The following SEC16B variants were observed in gnomAD, a reference collection of about 807,000 sequenced individuals.
SEC16B encodes the protein SEC16 homolog B, endoplasmic reticulum export factor, also known as protein transport protein Sec16B.
Under a neutral mutation model 141.8 loss-of-function variants are expected in SEC16B, and 115 were observed. The ratio of observed to expected loss-of-function variants is 0.81; its 90% CI spans 0.70 to 0.95. SEC16B has a LOEUF of 0.95. Among genes scored for constraint, SEC16B ranks in the 40% least tolerant of loss-of-function variants. The pLI is 0.00. For synonymous variants in SEC16B, 493 were observed against 492.5 expected (o/e 1.00, Z -0.01); for missense variants, 1,291 against 1,312.3 (o/e 0.98, Z 0.25).
In SEC16B at chr1:177,939,758, A is replaced by G. The variant is rs145634709; in HGVS notation, c.2147T>C (p.Ile716Thr). The change falls in exon 18 of 26, where the codon ATT becomes ACT. Residue 716 changes from isoleucine (I) to threonine (T), a missense_variant. Coordinates refer to ENST00000308284, the MANE Select transcript of SEC16B (RefSeq NM_033127.4). ...TGAGCGAGTAGGATGAGGATCCCCAATGTCTCCTGCTACCTTTTGCTATTT... is the reference window on the plus strand; with the variant it reads ...TGAGCGAGTAGGATGAGGATCCCCAGTGTCTCCTGCTACCTTTTGCTATTT... ...RQLEQKVAGD[I>T]GDPHPTRSDI... 364 of 1,591,432 alleles carry G rather than the reference A, an allele frequency of 2.3e-4. 2 individuals are homozygous for G. The East Asian group carries it at 6.4e-3, about 28-fold the overall frequency.
intron 14 of SEC16B, among the ~76,000 whole-genome samples, chr1:177,945,155 C>T (rs1458867453): frequency 2.0e-5 from 3 of 152,194 alleles, no homozygotes; most frequent in Non-Finnish European, 2.9e-5. Flanking sequence ...CAGGTGAGGA[C>T]TGCTGAGCCA....
intron 3 of SEC16B, 23 bp downstream of exon 3, chr1:177,965,870 G>C (rs1341053002): frequency 2.1e-6 from 3 of 1,457,432 alleles, no homozygotes; most frequent in Middle Eastern, 1.7e-4. Context: ...AATCCCAGAG[G>C]CTTCTTGGAG....
intron 1 of SEC16B, among the ~76,000 whole-genome samples, chr1:177,977,680 T>G (rs1160419477): frequency 1.3e-5 from 2 of 152,124 alleles, no homozygotes; most frequent in East Asian, 3.9e-4. Context: ...AGCAATCTGC[T>G]CCTCTCTGGG....
intron 13 of SEC16B, 95 bp from the exon 14 acceptor site, chr1:177,946,626 CG>C (rs1160122219): frequency 5.4e-6 from 5 of 922,192 alleles, no homozygotes; most frequent in African/African-American, 1.7e-5. Context: ...AGAGTGGCCT[CG>C]GGGGTCAGAG....
intron 1 of SEC16B, among the ~76,000 whole-genome samples, chr1:177,969,623 A>G (rs1329601109): frequency 6.6e-6 from 1 of 152,188 alleles, no homozygotes; most frequent in Non-Finnish European, 1.5e-5. Flanking sequence ...GCAACACCCA[A>G]TCTTTCCACT....
chr1:177,931,359 G>C (rs1650401240), intron 24 of SEC16B, among the ~76,000 whole-genome samples: 1 of 152,086 alleles, frequency 6.6e-6, no homozygotes, highest in Non-Finnish European at 1.5e-5. Flanking sequence ...CTTATAAGTG[G>C]GGAGCTATGA....
Position 177,960,932 on chromosome 1 carries a change from G to A in SEC16B, c.795C>T (p.Ser265=). Reference sequence around the variant, plus strand: ...TCATGGGTGCTTTGGGACCAGCTGAGGAGACATCTTCTGACCAACAGACAC... The same window carrying A: ...TCATGGGTGCTTTGGGACCAGCTGAAGAGACATCTTCTGACCAACAGACAC... The part of the protein sequence containing the change: ...AAWSPVQADV[S]SAGPKAPMKF... The change falls in exon 7 of 26, where the codon TCC becomes TCT. Residue 265 remains serine, a synonymous_variant. Transcript: ENST00000308284. 4 of 1,613,920 alleles carry A rather than the reference G, an allele frequency of 2.5e-6. No homozygotes were observed. Among genetic ancestry groups the A allele is most frequent in the Non-Finnish European group, 3.4e-6 (4 of 1,179,826 alleles).
intron 10 of SEC16B, among the ~76,000 whole-genome samples, chr1:177,955,051 C>A (rs549395662): frequency 6.6e-6 from 1 of 152,030 alleles, no homozygotes; most frequent in Non-Finnish European, 1.5e-5. Context: ...GCCCTAAAAA[C>A]AAAAAGAGCT....
chr1:177,931,625 A>G (rs1650420752), intron 24 of SEC16B, among the ~76,000 whole-genome samples: 1 of 152,182 alleles, frequency 6.6e-6, no homozygotes, highest in Admixed American at 6.5e-5. Context: ...TCTTAATAGA[A>G]CTCAGGGAAT....
chr1:177,961,030 CA>C, intron 6 of SEC16B, 91 bp from the exon 7 acceptor site: 1 of 1,409,866 alleles, frequency 7.1e-7, no homozygotes, highest in Non-Finnish European at 9.7e-7. Flanking sequence ...TATTTCTGCC[CA>C]AATTCTGCCT....
intron 5 of SEC16B, among the ~76,000 whole-genome samples, chr1:177,962,683 C>A (rs1213342163): frequency 6.6e-6 from 1 of 151,820 alleles, no homozygotes; most frequent in African/African-American, 2.4e-5. Context: ...GAGTTCAAGG[C>A]TGCAGTGAGC....
At chr1:177,974,092 A>G (rs1458543406), upstream of SEC16B, among the ~76,000 whole-genome samples, 1 of 151,900 alleles carries the variant, frequency 6.6e-6, no homozygotes, top group East Asian at 1.9e-4. Context: ...AGGATGATCC[A>G]AGTTTTCAGG....
At chr1:177,977,193 C>T (rs573297995) in intron 1 of SEC16B, among the ~76,000 whole-genome samples, 4 of 152,082 alleles carry the variant, frequency 2.6e-5, no homozygotes, top group South Asian at 2.1e-4. Flanking sequence ...ACACACATAC[C>T]CTGTACCCCC....
chr1:177,970,830 A>G (rs1213144748), upstream of SEC16B, among the ~76,000 whole-genome samples: 2 of 152,222 alleles, frequency 1.3e-5, no homozygotes, highest in African/African-American at 4.8e-5. Context: ...AAAAAATCCC[A>G]AATGGTTTAT....
At chr1:177,961,504 A>C in intron 6 of SEC16B, 86 bp downstream of exon 6, 2 of 1,429,754 alleles carry the variant, frequency 1.4e-6, no homozygotes, top group Non-Finnish European at 1.9e-6. Flanking sequence ...ACAATGATCC[A>C]TCGTAAGGCT....
rs1491561749 is a variant in SEC16B at position 177,949,429 on chromosome 1, C to CACACACACACACACAA, written c.1546-1488_1546-1487insTTGTGTGTGTGTGTGT. ...ACACACACACACACACACACACACA[C>CACACACACACACACAA]AAAGAAAAACTTAGAGGTCATTATT... On this transcript the variant is annotated intron_variant, in intron 12 of 25. Coordinates refer to ENST00000308284, the MANE Select transcript of SEC16B (RefSeq NM_033127.4). 1.4e-5 allele frequency among the ~76,000 whole-genome samples: 2 copies of CACACACACACACACAA among 139,144 alleles called. 1 individual carries two copies. Among genetic ancestry groups the CACACACACACACACAA allele is most frequent in the African/African-American group, 5.4e-5 (2 of 37,192 alleles). The allele number at this position is 139,144 out of a possible 152,430, so 91.3% of individuals were successfully genotyped here.
Position 177,930,534 on chromosome 1 carries a change from G to A in SEC16B, c.3111+11C>T, listed in dbSNP as rs751576856. The A allele has an allele frequency of 6.2e-7, 1 of 1,605,670 alleles. No individual in the cohort carries two copies. The highest frequency in any genetic ancestry group is 8.5e-7 in the Non-Finnish European group (1 of 1,173,238). ...CTCCTGGCCAGCCCCTCCCCCTGAG[G>A]GCTTCCTTACCTGAGGCACCTGAGA... On this transcript the variant is annotated intron_variant, in intron 25 of 25. Coordinates refer to ENST00000308284, the MANE Select transcript of SEC16B (RefSeq NM_033127.4).
rs114392952 is a variant in SEC16B, at chr1:177,954,934, A to G, written c.1366-558T>C. ...AACAAGAAATTAAATATTTAAATGT[A>G]AAAATGAATCACAAAAGTACTTCAA... On this transcript the variant is annotated intron_variant, in intron 10 of 25. Transcript: ENST00000308284. Among the ~76,000 whole-genome samples the G allele has an allele frequency of 5.7e-3, 873 of 152,298 alleles. 9 individuals are homozygous for G. Among genetic ancestry groups the G allele is most frequent in the African/African-American group, 0.02 (839 of 41,548 alleles).
At chr1:177,953,868 C>T (rs895077405) in intron 11 of SEC16B, among the ~76,000 whole-genome samples, 15 of 152,136 alleles carry the variant, frequency 9.9e-5, no homozygotes, top group African/African-American at 3.4e-4. Flanking sequence ...CCACCCTACT[C>T]TCAGTATCCA....
Sources: gnomAD v4.1 joint callset for allele counts (sites outside exome capture counted in the v4.1 genomes callset) on GRCh38, gnomAD v4.1.1 for gene constraint, MANE v1.5 for transcripts, NCBI Gene and HGNC (gene_info 2026-07-23, HGNC 2026-07-21) for gene names.